The following MSANTD5 variants were observed in gnomAD, a reference collection of about 807,000 sequenced individuals.
MSANTD5 encodes the protein uncharacterized protein MSANTD5.
At chr5:178,703,388 C>T in the MSANTD5 span, among the ~76,000 whole-genome samples, 16 of 152,190 alleles carry the variant, frequency 1.1e-4, no homozygotes, top group Non-Finnish European at 1.9e-4. Flanking sequence ...GAGACTTGGT[C>T]CTCCATTCTA....
chr5:178,702,615 C>T (rs1765501371), upstream of MSANTD5, among the ~76,000 whole-genome samples: 1 of 89,976 alleles, frequency 1.1e-5, no homozygotes, highest in South Asian at 5.2e-4. Flanking sequence ...TCTTTTTTTT[C>T]AAGACAGAGT....
chr5:178,699,704 A>G (rs139541973), upstream of MSANTD5, among the ~76,000 whole-genome samples: 402 of 152,260 alleles, frequency 2.6e-3, 1 homozygote, highest in African/African-American at 9.1e-3. Context: ...AGCCACCACA[A>G]CCAGCCTGAT....
At chr5:178,703,839 G>A in the MSANTD5 span, among the ~76,000 whole-genome samples, 3 of 151,964 alleles carry the variant, frequency 2.0e-5, no homozygotes, top group East Asian at 5.8e-4. Context: ...AAATTAGCTG[G>A]GCATGGTGGC....
At chr5:178,696,918 G>A (rs1765418679) in intron 1 of MSANTD5, among the ~76,000 whole-genome samples, 1 of 152,114 alleles carries the variant, frequency 6.6e-6, no homozygotes, top group African/African-American at 2.4e-5. Context: ...CGAGAAAGGA[G>A]CAGGCTGGAA....
upstream of MSANTD5, among the ~76,000 whole-genome samples, chr5:178,701,885 C>T (rs573594296): frequency 2.6e-3 from 391 of 150,762 alleles, 1 homozygote; most frequent in Admixed American, 3.8e-3. Flanking sequence ...AAACATGCAC[C>T]ACCATGCCCG....
downstream of MSANTD5, among the ~76,000 whole-genome samples, chr5:178,692,884 CTG>C (rs1437521767): frequency 3.9e-5 from 6 of 151,950 alleles, no homozygotes; most frequent in Non-Finnish European, 4.4e-5. Context: ...GGTTATGATA[CTG>C]TGTTTTCTGA....
chr5:178,693,062 C>G (rs747607444), downstream of MSANTD5, among the ~76,000 whole-genome samples: 1 of 152,046 alleles, frequency 6.6e-6, no homozygotes, highest in South Asian at 2.1e-4. Context: ...GTAATCCCAG[C>G]ACTTTGGGAG....
chr5:178,696,599 C>T (rs145712597), intron 1 of MSANTD5, among the ~76,000 whole-genome samples: 5 of 152,124 alleles, frequency 3.3e-5, no homozygotes, highest in African/African-American at 9.6e-5. Flanking sequence ...GACAAGGGCG[C>T]GTGGGACAGT....
chr5:178,692,605 G>C (rs893458223), downstream of MSANTD5, among the ~76,000 whole-genome samples: 1 of 151,894 alleles, frequency 6.6e-6, no homozygotes, highest in South Asian at 2.1e-4. Flanking sequence ...TACATGGCAA[G>C]AAAAAGGAAT....
chr5:178,705,590 G>A, the MSANTD5 span, among the ~76,000 whole-genome samples: 2 of 152,226 alleles, frequency 1.3e-5, no homozygotes, highest in Non-Finnish European at 2.9e-5. Flanking sequence ...ATACCTGGGT[G>A]AGGGTGTGAC....
At chr5:178,692,641 G>A (rs1765368763), downstream of MSANTD5, among the ~76,000 whole-genome samples, 1 of 151,976 alleles carries the variant, frequency 6.6e-6, no homozygotes, top group Non-Finnish European at 1.5e-5. Flanking sequence ...GCAACAACCT[G>A]GAGGAATCTC....
the MSANTD5 span, chr5:178,707,286 G>A: frequency 2.0e-5 from 3 of 152,050 alleles, no homozygotes; most frequent in Non-Finnish European, 4.4e-5. Flanking sequence ...CCGAGGAAGG[G>A]AACAATTTCA....
chr5:178,696,155 G>A (rs1765409761), exon 2 of MSANTD5: 1 of 151,856 alleles, frequency 6.6e-6, no homozygotes, highest in African/African-American at 2.4e-5. Context: ...GGATGTTTAT[G>A]GTAGTTTCAG....
the MSANTD5 span, among the ~76,000 whole-genome samples, chr5:178,706,607 C>A: frequency 1.3e-5 from 2 of 151,712 alleles, no homozygotes; most frequent in Admixed American, 1.3e-4. Flanking sequence ...AAGTGTTGAG[C>A]CATGTTGACA....
chr5:178,692,395 A>T (rs1765366728), downstream of MSANTD5, among the ~76,000 whole-genome samples: 1 of 151,836 alleles, frequency 6.6e-6, no homozygotes, highest in Non-Finnish European at 1.5e-5. Flanking sequence ...AAAAAAAAAA[A>T]AATTAAACAT....
At chr5:178,705,690 C>T in the MSANTD5 span, among the ~76,000 whole-genome samples, 3 of 152,100 alleles carry the variant, frequency 2.0e-5, no homozygotes, top group African/African-American at 7.2e-5. Context: ...GGCATGGTGG[C>T]TCACGTCTGT....
chr5:178,697,356 A>G (rs1443180130), intron 1 of MSANTD5, among the ~76,000 whole-genome samples: 1 of 152,066 alleles, frequency 6.6e-6, no homozygotes, highest in Admixed American at 6.6e-5. Flanking sequence ...CGGGAGGCTG[A>G]GGCAGGAGAA....
upstream of MSANTD5, among the ~76,000 whole-genome samples, chr5:178,701,011 T>A (rs1241456613): frequency 6.6e-6 from 1 of 152,224 alleles, no homozygotes; most frequent in Non-Finnish European, 1.5e-5. Flanking sequence ...TCTCGCTCTG[T>A]CGCCCAGGCT....
At chr5:178,699,314 T>C (rs1365990731), upstream of MSANTD5, among the ~76,000 whole-genome samples, 1 of 152,238 alleles carries the variant, frequency 6.6e-6, no homozygotes, top group African/African-American at 2.4e-5. Context: ...CTGCTATAAA[T>C]GGCAACTGTA....
Sources: gnomAD v4.1 joint callset for allele counts (sites outside exome capture counted in the v4.1 genomes callset) on GRCh38, gnomAD v4.1.1 for gene constraint, MANE v1.5 for transcripts, NCBI Gene and HGNC (gene_info 2026-07-23, HGNC 2026-07-21) for gene names.